EPHA7: variants seen among roughly 807,000 people sequenced by gnomAD.
The protein encoded by EPHA7 is ephrin type-A receptor 7.
Under a neutral mutation model 112.6 loss-of-function variants are expected in EPHA7, and 25 were observed. That is an observed-to-expected ratio of 0.22 (90% CI 0.16 to 0.31). The LOEUF (loss-of-function observed/expected upper bound fraction) is 0.31, where lower values mean the gene tolerates loss of function less well. Among genes scored for constraint, EPHA7 ranks in the 10% least tolerant of loss-of-function variants. The probability of loss-of-function intolerance (pLI) is 1.00; values close to 1 mark genes in which losing one functional copy is unlikely to be tolerated. For missense variants in EPHA7, 962 were observed against 1,212.6 expected, an observed-to-expected ratio of 0.79 and a Z score of 3.07; for synonymous variants, 437 against 406.5, an observed-to-expected ratio of 1.07 and a Z score of -0.90.
chr6:93,342,582 GA>G (rs1224273295), intron 5 of EPHA7, among the ~76,000 whole-genome samples: 29 of 151,716 alleles, frequency 1.9e-4, no homozygotes, highest in African/African-American at 6.8e-4. Context: ...AATGGCACAA[GA>G]AGTATTTTAC....
chr6:93,351,181 C>T (rs1370744734), intron 5 of EPHA7, among the ~76,000 whole-genome samples: 1 of 151,996 alleles, frequency 6.6e-6, no homozygotes, highest in Non-Finnish European at 1.5e-5. Context: ...GGAAAAACTG[C>T]AACCCATGTC....
Position 93,375,321 on chromosome 6 carries a change from A to G in EPHA7, c.833-16910T>C, listed in dbSNP as rs16871279. On this transcript the variant is annotated intron_variant, in intron 3 of 16. Coordinates refer to ENST00000369303, the MANE Select transcript of EPHA7 (RefSeq NM_004440.4). ...ACAAAAACAACTTAACAAGACTGATAAAAACTCAGAGAGGCCAAGCATGGT... is the reference window on the plus strand; with the variant it reads ...ACAAAAACAACTTAACAAGACTGATGAAAACTCAGAGAGGCCAAGCATGGT... Among the ~76,000 whole-genome samples the G allele has an allele frequency of 8.1e-3, 1,240 of 152,236 alleles. 25 individuals carry two copies. The highest frequency in any genetic ancestry group is 0.028 in the African/African-American group (1,149 of 41,540).
chr6:93,368,896 G>C (rs539755692), intron 3 of EPHA7, among the ~76,000 whole-genome samples: 1 of 152,112 alleles, frequency 6.6e-6, no homozygotes, highest in South Asian at 2.1e-4. Flanking sequence ...TAACCCTAAA[G>C]CAGGTTAAGG....
Position 93,359,866 on chromosome 6 carries a change from G to GAT in EPHA7, c.833-1456_833-1455insAT, listed in dbSNP as rs766436990. Among the ~76,000 whole-genome samples, 827 of 123,028 alleles carry GAT rather than the reference G, an allele frequency of 6.7e-3. 4 individuals are homozygous for GAT. Among genetic ancestry groups the GAT allele is most frequent in the African/African-American group, 0.011 (351 of 33,400 alleles). The allele number at this position is 123,028 out of a possible 152,430, so 80.7% of individuals were successfully genotyped here. A position where few individuals can be genotyped will look rare whatever the true frequency, so the allele number is the denominator to read the frequency against. ...GATCAATAGATGATAGAGAGAGAGAGAGAGAGAGAGATAGATAGATAGATA... is the reference window on the plus strand; with the variant it reads ...GATCAATAGATGATAGAGAGAGAGAGATAGAGAGAGAGATAGATAGATAGATA... On this transcript the variant is annotated intron_variant, in intron 3 of 16. Coordinates refer to ENST00000369303, the MANE Select transcript of EPHA7 (RefSeq NM_004440.4).
chr6:93,295,654 G>C (rs1048791405), intron 5 of EPHA7, among the ~76,000 whole-genome samples: 4 of 151,670 alleles, frequency 2.6e-5, no homozygotes, highest in Non-Finnish European at 5.9e-5. Context: ...AGGTCATTAA[G>C]ATAGTCTATA....
intron 3 of EPHA7, among the ~76,000 whole-genome samples, chr6:93,397,798 C>G (rs1778253659): frequency 6.6e-6 from 1 of 151,768 alleles, no homozygotes. Flanking sequence ...TTGTTATTTT[C>G]TTTCATATTA....
chr6:93,335,340 G>C (rs1354150485), intron 5 of EPHA7, among the ~76,000 whole-genome samples: 1 of 151,988 alleles, frequency 6.6e-6, no homozygotes, highest in Non-Finnish European at 1.5e-5. Flanking sequence ...CAACATATGT[G>C]ATACACTATC....
At chr6:93,258,770 T>G (rs1022328418) in intron 10 of EPHA7, among the ~76,000 whole-genome samples, 25 of 150,446 alleles carry the variant, frequency 1.7e-4, no homozygotes, top group African/African-American at 5.8e-4. Context: ...CTTTTAATTT[T>G]GAGAAGAAAA....
At chr6:93,295,971 T>C (rs538523527) in intron 5 of EPHA7, among the ~76,000 whole-genome samples, 45 of 151,986 alleles carry the variant, frequency 3.0e-4, no homozygotes, top group African/African-American at 7.9e-4. Context: ...CTGGAAGTTA[T>C]ATCATATTCA....
At chr6:93,280,235 C>A (rs1474757890) in intron 5 of EPHA7, among the ~76,000 whole-genome samples, 1 of 152,138 alleles carries the variant, frequency 6.6e-6, no homozygotes, top group Non-Finnish European at 1.5e-5. Context: ...GAGCAAAACA[C>A]ACAGAATATT....
At chr6:93,373,646 G>T (rs572022939) in intron 3 of EPHA7, among the ~76,000 whole-genome samples, 81 of 152,138 alleles carry the variant, frequency 5.3e-4, no homozygotes, top group African/African-American at 1.9e-3. Context: ...GAGCTTAGAT[G>T]ATGGTATCAA....
chr6:93,358,222 T>C (rs1306203688), intron 4 of EPHA7, 34 bp downstream of exon 4: 5 of 1,545,596 alleles, frequency 3.2e-6, no homozygotes, highest in South Asian at 2.5e-5. Context: ...GTGGAAGGGA[T>C]TGGAAAGTCC....
chr6:93,347,427 G>A (rs1343584874), intron 5 of EPHA7, among the ~76,000 whole-genome samples: 2 of 145,398 alleles, frequency 1.4e-5, no homozygotes, highest in Admixed American at 1.4e-4. Flanking sequence ...CAAGTTAAGG[G>A]TTTTTTGGAG....
chr6:93,403,065 T>C (rs1021168042), intron 3 of EPHA7, among the ~76,000 whole-genome samples: 1 of 152,098 alleles, frequency 6.6e-6, no homozygotes, highest in African/African-American at 2.4e-5. Context: ...GTCTTGTTTA[T>C]GTTTGCTAAT....
chr6:93,261,941 T>C (rs1350876581), intron 9 of EPHA7, among the ~76,000 whole-genome samples: 1 of 151,544 alleles, frequency 6.6e-6, no homozygotes, highest in Non-Finnish European at 1.5e-5. Flanking sequence ...ACCTTCTGCA[T>C]TAACCTGCAA....
chr6:93,389,441 C>T (rs1777793977), intron 3 of EPHA7, among the ~76,000 whole-genome samples: 1 of 151,974 alleles, frequency 6.6e-6, no homozygotes, highest in African/African-American at 2.4e-5. Context: ...TGGACTGGCA[C>T]CTCTGTCTAT....
At chr6:93,417,618 G>C (rs1221261511) in intron 1 of EPHA7, among the ~76,000 whole-genome samples, 4 of 152,122 alleles carry the variant, frequency 2.6e-5, no homozygotes, top group African/African-American at 9.7e-5. Flanking sequence ...GCGTGTGTTC[G>C]CGCGCGGGGT....
chr6:93,300,400 C>A (rs1772917057), intron 5 of EPHA7, among the ~76,000 whole-genome samples: 1 of 151,984 alleles, frequency 6.6e-6, no homozygotes, highest in Admixed American at 6.6e-5. Context: ...AAAATACAGG[C>A]ATAGTAAAGA....
At chr6:93,367,636 A>G (rs1308913606) in intron 3 of EPHA7, among the ~76,000 whole-genome samples, 1 of 152,106 alleles carries the variant, frequency 6.6e-6, no homozygotes, top group Non-Finnish European at 1.5e-5. Context: ...CACACAAATT[A>G]TAAGACTGGC....
Sources: allele counts gnomAD v4.1 joint callset (sites outside exome capture counted in the v4.1 genomes callset), GRCh38; gene constraint gnomAD v4.1.1; transcripts MANE v1.5; gene names NCBI Gene and HGNC (gene_info 2026-07-23, HGNC 2026-07-21).